The following LRRTM3 variants were observed in gnomAD, a reference collection of about 807,000 sequenced individuals.
LRRTM3 encodes the protein leucine-rich repeat transmembrane neuronal protein 3.
A neutral mutation model predicts 44.7 loss-of-function variants in LRRTM3; 24 were observed. The ratio of observed to expected loss-of-function variants is 0.54; its 90% CI spans 0.39 to 0.76. The LOEUF (loss-of-function observed/expected upper bound fraction) is 0.76. Among genes scored for constraint, LRRTM3 ranks in the 30% least tolerant of loss-of-function variants. The pLI is 0.00. For synonymous variants in LRRTM3, 277 were observed against 278.7 expected, an observed-to-expected ratio of 0.99 and a Z score of 0.06; for missense variants, 587 against 702.2, an observed-to-expected ratio of 0.84 and a Z score of 1.85.
chr10:67,014,547 C>T (rs370155332), intron 2 of LRRTM3, among the ~76,000 whole-genome samples: 4 of 152,168 alleles, frequency 2.6e-5, no homozygotes, highest in South Asian at 4.1e-4. Context: ...CCTATGATCT[C>T]TTTTATTTTG....
intron 2 of LRRTM3, among the ~76,000 whole-genome samples, chr10:67,066,479 C>T (rs953855478): frequency 6.6e-6 from 1 of 151,166 alleles, no homozygotes; most frequent in East Asian, 1.9e-4. Context: ...GTGTGAACCA[C>T]CGCACCTGGC....
chr10:66,986,789 C>T (rs1254995049), intron 2 of LRRTM3, among the ~76,000 whole-genome samples: 1 of 152,100 alleles, frequency 6.6e-6, no homozygotes, highest in African/African-American at 2.4e-5. Flanking sequence ...TTAAATAACA[C>T]ATATGATAGT....
intron 2 of LRRTM3, among the ~76,000 whole-genome samples, chr10:66,934,264 G>A (rs1847568763): frequency 6.6e-6 from 1 of 151,844 alleles, no homozygotes; most frequent in African/African-American, 2.4e-5. Flanking sequence ...AATTCTCCAT[G>A]TTTTCTTTTT....
chr10:67,046,421 A>G (rs762021099), intron 2 of LRRTM3, among the ~76,000 whole-genome samples: 1 of 152,198 alleles, frequency 6.6e-6, no homozygotes, highest in Non-Finnish European at 1.5e-5. Context: ...GATTCTCAAC[A>G]CATAGAACTT....
chr10:67,063,069 G>A (rs1855856779), intron 2 of LRRTM3, among the ~76,000 whole-genome samples: 1 of 152,020 alleles, frequency 6.6e-6, no homozygotes, highest in South Asian at 2.1e-4. Flanking sequence ...TATTAAGTGT[G>A]ATTTCTATTT....
At chr10:67,018,091 T>C (rs567376342) in intron 2 of LRRTM3, among the ~76,000 whole-genome samples, 5 of 152,296 alleles carry the variant, frequency 3.3e-5, no homozygotes, top group South Asian at 2.1e-4. Context: ...ATATTAAACA[T>C]ATATTTTAAC....
At chr10:67,030,899 G>T (rs1299188619) in intron 2 of LRRTM3, among the ~76,000 whole-genome samples, 1 of 152,166 alleles carries the variant, frequency 6.6e-6, no homozygotes, top group Non-Finnish European at 1.5e-5. Context: ...AGCTACTCAG[G>T]TGGTTGAGGA....
At position 66,928,073 on chromosome 10, in the gene LRRTM3, G is replaced by A; in HGVS notation, c.1157G>A (p.Arg386Lys). The change falls in exon 2 of 3, where the codon AGG becomes AAG. Residue 386 changes from arginine (R) to lysine (K), a missense_variant. This residue lies in a region of LRRTM3 where 315 missense variants were observed against 335.6 expected (regional missense o/e 0.94). Coordinates refer to ENST00000361320, the MANE Select transcript of LRRTM3 (RefSeq NM_178011.5). ...PKPTFKPKLP[R>K]PKHESKPPLP... ...CCGACGTTTAAGCCCAAGCTCCCCA[G>A]GCCGAAGCATGAGAGCAAACCCCCT... The A allele has an allele frequency of 6.2e-7, 1 of 1,614,056 alleles. No homozygotes were observed. The highest frequency in any genetic ancestry group is 8.5e-7 in the Non-Finnish European group (1 of 1,180,032).
rs546220582 is a variant in LRRTM3 at position 66,974,965 on chromosome 10, C to T, written c.1536+46513C>T. Among the ~76,000 whole-genome samples, 8 of 152,142 alleles carry T rather than the reference C, an allele frequency of 5.3e-5. No homozygotes were observed. In the South Asian group the frequency reaches 1.7e-3, roughly 32 times the overall value. ...CACAAGCTCTGAGTCAAGAATAGGTCTAAAATCCACAGATGCAATTCTGAA... is the reference window on the plus strand; with the variant it reads ...CACAAGCTCTGAGTCAAGAATAGGTTTAAAATCCACAGATGCAATTCTGAA... On this transcript the variant is annotated intron_variant, in intron 2 of 2. Coordinates refer to ENST00000361320, the MANE Select transcript of LRRTM3 (RefSeq NM_178011.5).
At chr10:66,965,553 A>AG (rs1455627239) in intron 2 of LRRTM3, among the ~76,000 whole-genome samples, 49 of 86,878 alleles carry the variant, frequency 5.6e-4, no homozygotes, top group Non-Finnish European at 9.1e-4. Flanking sequence ...AGAAAAGAAA[A>AG]AAAAAAAAGC....
intron 2 of LRRTM3, among the ~76,000 whole-genome samples, chr10:67,051,173 C>T (rs1438444240): frequency 6.6e-6 from 1 of 152,208 alleles, no homozygotes; most frequent in Non-Finnish European, 1.5e-5. Context: ...AATGAGATCT[C>T]ATTACCTGGG....
chr10:67,032,323 G>A (rs1267797331), intron 2 of LRRTM3, among the ~76,000 whole-genome samples: 7 of 152,048 alleles, frequency 4.6e-5, no homozygotes, highest in South Asian at 2.1e-4. Context: ...ACTGACATAT[G>A]AAAACTATCC....
chr10:67,029,696 C>T (rs1853602750), intron 2 of LRRTM3, among the ~76,000 whole-genome samples: 1 of 152,110 alleles, frequency 6.6e-6, no homozygotes, highest in South Asian at 2.1e-4. Flanking sequence ...TCTACTAAAG[C>T]GTAAAACAAA....
intron 2 of LRRTM3, among the ~76,000 whole-genome samples, chr10:66,965,547 A>T (rs570612767): frequency 6.1e-5 from 8 of 131,688 alleles, no homozygotes; most frequent in African/African-American, 2.0e-4. Context: ...AAAGAAAGAA[A>T]AGAAAAAAAA....
intron 2 of LRRTM3, among the ~76,000 whole-genome samples, chr10:67,075,504 A>G (rs1589702116): frequency 6.6e-6 from 1 of 152,174 alleles, no homozygotes; most frequent in East Asian, 1.9e-4. Context: ...GTGAAGTTGG[A>G]AATACTTAAG....
At chr10:67,050,854 T>A (rs544689014) in intron 2 of LRRTM3, among the ~76,000 whole-genome samples, 5 of 152,238 alleles carry the variant, frequency 3.3e-5, no homozygotes, top group Non-Finnish European at 7.3e-5. Flanking sequence ...AAAATATTTA[T>A]GCAAAGTTTT....
intron 2 of LRRTM3, among the ~76,000 whole-genome samples, chr10:67,027,137 G>A (rs934634580): frequency 2.6e-5 from 4 of 152,114 alleles, no homozygotes; most frequent in Admixed American, 1.3e-4. Flanking sequence ...TGCTGATAGA[G>A]TGAGTGCCCA....
chr10:66,940,669 T>A lies in LRRTM3; in HGVS notation c.1536+12217T>A, dbSNP rs116182373. On this transcript the variant is annotated intron_variant, in intron 2 of 2. Coordinates refer to ENST00000361320, the MANE Select transcript of LRRTM3 (RefSeq NM_178011.5). Reference sequence around the variant, plus strand: ...CATATAACTCCTTGAACTATGACTATCTCCTCACATTCAACTCAGTTTTAA... The same window carrying A: ...CATATAACTCCTTGAACTATGACTAACTCCTCACATTCAACTCAGTTTTAA... 6.6e-3 allele frequency among the ~76,000 whole-genome samples: 1,012 copies of A among 152,300 alleles called. 13 individuals carry two copies. The highest frequency in any genetic ancestry group is 0.023 in the African/African-American group (953 of 41,554).
chr10:67,009,849 C>G (rs900026910), intron 2 of LRRTM3, among the ~76,000 whole-genome samples: 2 of 152,112 alleles, frequency 1.3e-5, no homozygotes, highest in African/African-American at 4.8e-5. Context: ...TATCCTTTTG[C>G]ATCAGAGACT....
Sources: allele counts gnomAD v4.1 joint callset (sites outside exome capture counted in the v4.1 genomes callset), GRCh38; gene constraint gnomAD v4.1.1; regional missense constraint gnomAD v4.1.1; transcripts MANE v1.5; gene names NCBI Gene and HGNC (gene_info 2026-07-23, HGNC 2026-07-21).